LNX1: variants seen among roughly 807,000 people sequenced by gnomAD.
The protein encoded by LNX1 is ligand of numb-protein X 1, also known as E3 ubiquitin-protein ligase LNX.
Under a neutral mutation model 68.4 loss-of-function variants are expected in LNX1, and 54 were observed. The observed-to-expected ratio is 0.79, with a 90% CI of 0.63 to 0.99. The LOEUF is 0.99. LNX1 is among the 50% of genes least tolerant of loss of function. The probability of loss-of-function intolerance (pLI) is 0.00; values close to 1 mark genes in which losing one functional copy is unlikely to be tolerated. For missense variants in LNX1, 906 were observed against 926.4 expected (o/e 0.98, Z 0.29); for synonymous variants, 336 against 350.0 (o/e 0.96, Z 0.45).
At position 53,476,642 on chromosome 4, in the gene LNX1, G is replaced by A. The variant is rs563744627; in HGVS notation, c.1892+111C>T. 13 of 887,976 alleles carry A rather than the reference G, an allele frequency of 1.5e-5. No homozygotes were observed. The African/African-American group carries it at 1.5e-4, about 10-fold the overall frequency. The allele number at this position is 887,976 out of a possible 1,614,324, so 55.0% of individuals were successfully genotyped here. A position where few individuals can be genotyped will look rare whatever the true frequency, so the allele number is the denominator to read the frequency against. Reference sequence around the variant, plus strand: ...TTCACAGTCCCACAACCAAGACTGGGTCTAATTAAGATGCTAGTGCCATGA... The same window carrying A: ...TTCACAGTCCCACAACCAAGACTGGATCTAATTAAGATGCTAGTGCCATGA... On this transcript the variant is annotated intron_variant, in intron 9 of 10. Coordinates refer to ENST00000263925, the MANE Select transcript of LNX1 (RefSeq NM_001126328.3).
At chr4:53,467,656 G>A (rs1722789358) in intron 9 of LNX1, among the ~76,000 whole-genome samples, 1 of 152,204 alleles carries the variant, frequency 6.6e-6, no homozygotes, top group South Asian at 2.1e-4. Context: ...AGGACCTGAT[G>A]GAGCTGAAAA....
intron 2 of LNX1, among the ~76,000 whole-genome samples, chr4:53,569,731 A>T (rs1577730867): frequency 1.3e-5 from 2 of 148,296 alleles, no homozygotes; most frequent in East Asian, 2.0e-4. Context: ...CAGGCAACCT[A>T]CAAAATGGGA....
chr4:53,472,502 G>A (rs1723271193), intron 9 of LNX1, among the ~76,000 whole-genome samples: 1 of 151,532 alleles, frequency 6.6e-6, no homozygotes, highest in African/African-American at 2.4e-5. Context: ...AAAAGAAGAA[G>A]AAGAAAGACA....
chr4:53,504,736 G>A (rs1005648333), intron 4 of LNX1, among the ~76,000 whole-genome samples: 2 of 152,176 alleles, frequency 1.3e-5, no homozygotes, highest in African/African-American at 4.8e-5. Context: ...AAAGGCTATT[G>A]TAGGGTTACT....
At chr4:53,589,144 A>G (rs1732352362) in intron 1 of LNX1, among the ~76,000 whole-genome samples, 2 of 152,240 alleles carry the variant, frequency 1.3e-5, no homozygotes, top group Admixed American at 1.3e-4. Context: ...GTCAGATTAC[A>G]GCAATGACAA....
chr4:53,512,846 CT>C (rs1372208837), intron 2 of LNX1, among the ~76,000 whole-genome samples: 1 of 152,050 alleles, frequency 6.6e-6, no homozygotes, highest in East Asian at 1.9e-4. Flanking sequence ...GGTGGGGTTC[CT>C]GGGGCCAGGC....
At chr4:53,601,110 G>A (rs1000821104) in intron 2 of LNX1, among the ~76,000 whole-genome samples, 7 of 137,018 alleles carry the variant, frequency 5.1e-5, no homozygotes, top group African/African-American at 1.6e-4. Context: ...AGGGAGGGGG[G>A]GAGGGAAGGA....
At chr4:53,489,891 G>GT (rs1158545026) in intron 6 of LNX1, among the ~76,000 whole-genome samples, 2 of 151,790 alleles carry the variant, frequency 1.3e-5, no homozygotes, top group African/African-American at 2.4e-5. Context: ...GTACTGATCT[G>GT]TTAAAAAAAA....
intron 1 of LNX1, among the ~76,000 whole-genome samples, chr4:53,646,594 G>T (rs1213653398): frequency 1.3e-5 from 2 of 152,134 alleles, no homozygotes; most frequent in African/African-American, 4.8e-5. Context: ...CATGGCCAGA[G>T]TTTCCTATGT....
intron 2 of LNX1, among the ~76,000 whole-genome samples, chr4:53,615,473 C>G (rs1195535632): frequency 6.6e-6 from 1 of 152,120 alleles, no homozygotes; most frequent in Admixed American, 6.6e-5. Flanking sequence ...CTAGCTCCCT[C>G]GTGTATGAGA....
chr4:53,472,903 A>G (rs1723330353), intron 9 of LNX1, among the ~76,000 whole-genome samples: 1 of 152,050 alleles, frequency 6.6e-6, no homozygotes, highest in South Asian at 2.1e-4. Context: ...AGGTGAAATA[A>G]CCCTACCAGT....
At chr4:53,502,894 A>G (rs76163141) in intron 4 of LNX1, among the ~76,000 whole-genome samples, 1 of 151,620 alleles carries the variant, frequency 6.6e-6, no homozygotes, top group African/African-American at 2.4e-5. Context: ...CTCTACACTC[A>G]TTCAAGTTTT....
At position 53,476,863 on chromosome 4, in the gene LNX1, C is replaced by G. The variant is rs377221530; in HGVS notation, c.1782G>C (p.Glu594Asp). The change falls in exon 9 of 11, where the codon GAG (glutamate) becomes GAC (aspartate). Residue 594 changes from glutamate (E) to aspartate (D), a missense_variant. By Grantham distance (45) the Glu-to-Asp change is conservative (BLOSUM62 2). Transcript: ENST00000263925. ...TGCTGCAGTCTTCCTGGGGCTCATA[C>G]TCTTTGACTTCCAAAGCTTTGAGTA... Reference protein sequence around the residue: ...SIVLKALEVKEYEPQEDCSSP... With the variant: ...SIVLKALEVKDYEPQEDCSSP... 6.2e-7 allele frequency: 1 copy of G among 1,614,198 alleles called. No individual in the cohort carries two copies. Among genetic ancestry groups the G allele is most frequent in the Non-Finnish European group, 8.5e-7 (1 of 1,180,038 alleles).
At chr4:53,569,367 C>A (rs2109766135) in intron 2 of LNX1, among the ~76,000 whole-genome samples, 1 of 133,996 alleles carries the variant, frequency 7.5e-6, no homozygotes, top group Middle Eastern at 3.5e-3. Flanking sequence ...CGCATATCTA[C>A]AACTATCTGA....
intron 1 of LNX1, among the ~76,000 whole-genome samples, chr4:53,626,952 C>T (rs936043024): frequency 3.3e-5 from 5 of 152,228 alleles, no homozygotes; most frequent in Non-Finnish European, 2.9e-5. Context: ...TGAACCTTTA[C>T]TCATCATACA....
chr4:53,509,119 G>A (rs1182092368), intron 2 of LNX1, among the ~76,000 whole-genome samples: 3 of 152,170 alleles, frequency 2.0e-5, no homozygotes, highest in Non-Finnish European at 2.9e-5. Context: ...TCATTGCAGC[G>A]CACAGGCTAG....
chr4:53,472,686 A>ATC (rs1723297025), intron 9 of LNX1, among the ~76,000 whole-genome samples: 1 of 68,562 alleles, frequency 1.5e-5, no homozygotes, highest in African/African-American at 5.0e-5. Flanking sequence ...CAACAACAAC[A>ATC]AAAAAAAAAA....
chr4:53,557,915 GTAGTTA>G (rs1730029776), intron 2 of LNX1: 1 of 1,613,468 alleles, frequency 6.2e-7, no homozygotes, highest in Non-Finnish European at 8.5e-7. Context: ...CATTGTCAAT[GTAGTTA>G]GCAGGACTGA....
chr4:53,565,349 C>A (rs1258078023), intron 2 of LNX1, among the ~76,000 whole-genome samples: 2 of 152,126 alleles, frequency 1.3e-5, no homozygotes, highest in Non-Finnish European at 2.9e-5. Flanking sequence ...CCCTGACCCC[C>A]GAGCAGCCTA....
Sources: gnomAD v4.1 joint callset for allele counts (sites outside exome capture counted in the v4.1 genomes callset) on GRCh38, gnomAD v4.1.1 for gene constraint, MANE v1.5 for transcripts, NCBI Gene and HGNC (gene_info 2026-07-23, HGNC 2026-07-21) for gene names.